Variants in TTN observed in about 807,000 individuals in gnomAD.
The protein encoded by TTN is titin.
A neutral mutation model predicts 3,223.0 loss-of-function variants in TTN; 1,525 were observed. The ratio of observed to expected loss-of-function variants is 0.47; its 90% CI spans 0.45 to 0.49. The LOEUF is 0.49. Ranked by LOEUF, TTN falls within the 20% of genes least tolerant of loss-of-function variation. TTN has a pLI of 0.00. For synonymous variants in TTN, 14,094 were observed against 15,161.0 expected (o/e 0.93, Z 5.17); for missense variants, 40,786 against 43,424.0 (o/e 0.94, Z 5.40).
At chr2:178,680,986 G>C in intron 138 of TTN, 93 bp downstream of exon 138, 1 of 1,120,096 alleles carries the variant, frequency 8.9e-7, no homozygotes, top group East Asian at 2.5e-5. Context: ...TAATTTAAAA[G>C]ACATGAAACA....
Position 178,735,638 on chromosome 2 carries a change from G to T in TTN, c.14808C>A (p.Ile4936=). 1.9e-6 allele frequency: 3 copies of T among 1,613,746 alleles called. No individual in the cohort carries two copies. The highest frequency in any genetic ancestry group is 2.5e-6 in the Non-Finnish European group (3 of 1,179,796). The change falls in exon 50 of 363, where the codon ATC becomes ATA. Residue 4936 remains isoleucine (I), a synonymous_variant. Coordinates refer to ENST00000589042, the MANE Select transcript of TTN (RefSeq NM_001267550.2). ...QKLPPGKDYK[I]CFEDKIATLE... ...GTGTTGCTATTTTATCTTCAAAACA[G>T]ATCTTATAATCTTTCCCTGGGGGGA...
intron 1 of TTN, among the ~76,000 whole-genome samples, chr2:178,805,343 CAAAA>C (rs34870064): frequency 1.1e-5 from 1 of 89,840 alleles, no homozygotes; most frequent in Non-Finnish European, 2.2e-5. Context: ...GACTCTGTCT[CAAAA>C]AAAAAAAAAA....
Position 178,572,012 on chromosome 2 carries a change from A to G in TTN, c.74120T>C (p.Val24707Ala). 1.2e-6 allele frequency: 2 copies of G among 1,613,302 alleles called. No homozygotes were observed. The highest frequency in any genetic ancestry group is 2.2e-5 in the East Asian group (1 of 44,676). ...TGGAATGACAAGATCTTTGGCGATC[A>G]CTGGCACACTCAGTTGTCTAGGATC... is the stretch of plus-strand genomic sequence containing the variant. ...ISDPRQLSVP[V>A]IAKDLVIPPA... The change falls in exon 326 of 363, where the codon GTG becomes GCG. Residue 24707 changes from valine to alanine, a missense_variant. Coordinates refer to ENST00000589042, the MANE Select transcript of TTN (RefSeq NM_001267550.2).
intron 218 of TTN, among the ~76,000 whole-genome samples, chr2:178,643,188 G>T (rs2154240926): frequency 6.6e-6 from 1 of 151,926 alleles, no homozygotes; most frequent in South Asian, 2.1e-4. Flanking sequence ...GTAACTATTT[G>T]CTATTAGGAA....
chr2:178,568,352 A>G lies in TTN; in HGVS notation c.77780T>C (p.Ile25927Thr), dbSNP rs905403082. The change falls in exon 326 of 363, where the codon ATT (isoleucine) becomes ACT (threonine). Residue 25927 changes from isoleucine (I) to threonine (T), a missense_variant. Ile to Thr is a moderately conservative substitution (Grantham distance 89). Transcript: ENST00000589042. ...GGTGGTTGTATCTCTTTTCTGAACA[A>G]TGTAGTTGGTGATTTGGCAGCCCCC... ...YTGGCQITNY[I>T]VQKRDTTTTV... 1.9e-6 allele frequency: 3 copies of G among 1,613,368 alleles called. No homozygotes were observed. Among genetic ancestry groups the G allele is most frequent in the Non-Finnish European group, 1.7e-6 (2 of 1,179,596 alleles).
At position 178,725,518 on chromosome 2, in the gene TTN, T is replaced by G; in HGVS notation, c.20686A>C (p.Arg6896=). The change falls in exon 71 of 363, where the codon AGA becomes CGA. Residue 6896 remains arginine (R), a synonymous_variant. Coordinates refer to ENST00000589042, the MANE Select transcript of TTN (RefSeq NM_001267550.2). ...GTAATCCTGATGTTTTCACTTTCTC[T>G]AATCACTTCTTCCTTCTCTTTAAGC... is the stretch of plus-strand genomic sequence containing the variant. ...QWLKEKEEVI[R]ESENIRITFV... 1 of 1,613,378 alleles carries G rather than the reference T, an allele frequency of 6.2e-7. No individual in the cohort carries two copies. Among genetic ancestry groups the G allele is most frequent in the East Asian group, 2.2e-5 (1 of 44,850 alleles).
At chr2:178,803,251 G>A (rs560885998) in intron 2 of TTN, among the ~76,000 whole-genome samples, 1 of 152,028 alleles carries the variant, frequency 6.6e-6, no homozygotes, top group Non-Finnish European at 1.5e-5. Context: ...TATGGGTATT[G>A]GATATTTTCA....
In TTN at chr2:178,780,198, A is replaced by C. The variant is rs1268322697; in HGVS notation, c.3531T>G (p.Tyr1177Ter). 1 of 1,612,480 alleles carries C rather than the reference A, an allele frequency of 6.2e-7. No homozygotes were observed. Among genetic ancestry groups the C allele is most frequent in the Non-Finnish European group, 8.5e-7 (1 of 1,178,606 alleles). The change falls in exon 22 of 363, where the codon TAT becomes TAG. Residue 1177 changes from tyrosine (Y) to a stop codon, truncating the protein, a stop_gained. Transcript: ENST00000589042. LOFTEE classifies it high-confidence loss of function. ...CTTGCTGGGACTTCATCAGTAACTCATAATCAGCTAAGAGTTAAGAACATC... is the reference window on the plus strand; with the variant it reads ...CTTGCTGGGACTTCATCAGTAACTCCTAATCAGCTAAGAGTTAAGAACATC... ...ASASLLEEAD[Y>*]ELLMKSQQEM...
At position 178,532,701 on chromosome 2, in the gene TTN, A is replaced by G. The variant is rs977041865; in HGVS notation, c.103914T>C (p.Arg34638=). 1.2e-6 allele frequency: 2 copies of G among 1,613,828 alleles called. No homozygotes were observed. The highest frequency in any genetic ancestry group is 1.7e-6 in the Non-Finnish European group (2 of 1,179,866). ...DLEIVRPARR[R]TPSPDYDFYY... ...AAAAGTCATAATCAGGAGAAGGTGT[A>G]CGCCGGCGGGCTGGTCTCACTATCT... The change falls in exon 358 of 363, where the codon CGT becomes CGC. Residue 34638 remains arginine, a synonymous_variant. Coordinates refer to ENST00000589042, the MANE Select transcript of TTN (RefSeq NM_001267550.2).
chr2:178,633,768 C>T (rs2060094531), intron 231 of TTN, 49 bp downstream of exon 231: 2 of 1,607,686 alleles, frequency 1.2e-6, no homozygotes, highest in South Asian at 2.2e-5. Context: ...TTACTCCCCA[C>T]TCCCATGATT....
At position 178,795,116 on chromosome 2, in the gene TTN, C is replaced by T. The variant is rs772889673; in HGVS notation, c.1051G>A (p.Val351Met). ...VPPPWKQEGY[V>M]ASSSEAEMRE... ...ATCTCAGCCTCAGATGAGGAGGCCA[C>T]GTAGCCCTCTTGCTTCCAAGGGGGA... is the stretch of plus-strand genomic sequence containing the variant. Residue 351 changes from valine to methionine, a missense_variant, in exon 7 of 363, where the codon GTG becomes ATG. Transcript: ENST00000589042. 8.1e-6 allele frequency: 13 copies of T among 1,614,034 alleles called. No homozygotes were observed. Among genetic ancestry groups the T allele is most frequent in the South Asian group, 4.4e-5 (4 of 91,092 alleles).
At position 178,552,066 on chromosome 2, in the gene TTN, A is replaced by T. The variant is rs397517751; in HGVS notation, c.90834T>A (p.Ser30278Arg). Residue 30278 changes from serine (S) to arginine (R), a missense_variant, in exon 335 of 363, where the codon AGT (serine) becomes AGA (arginine). Transcript: ENST00000589042. ...GAACTTTGAAAGTCGTTCTGGCAAC[A>T]CTTGAACACACCATCTTCCAGTTAG... ...SQTNWKMVCS[S>R]VARTTFKVPN... 1.9e-6 allele frequency: 3 copies of T among 1,613,784 alleles called. No individual in the cohort carries two copies. The highest frequency in any genetic ancestry group is 2.5e-6 in the Non-Finnish European group (3 of 1,179,782).
At chr2:178,757,318 A>C (rs2087580768) in intron 45 of TTN, among the ~76,000 whole-genome samples, 1 of 151,602 alleles carries the variant, frequency 6.6e-6, no homozygotes, top group Non-Finnish European at 1.5e-5. Context: ...TAATAAAATA[A>C]TTATTGGTTC....
chr2:178,669,205 A>T (rs1363345966), intron 159 of TTN, among the ~76,000 whole-genome samples, 168 bp downstream of exon 159: 1 of 152,156 alleles, frequency 6.6e-6, no homozygotes, highest in Admixed American at 6.5e-5. Flanking sequence ...AGGAAATATA[A>T]CTTGTCTGAG....
In TTN at chr2:178,575,119, G is replaced by A. The variant is rs531500249; in HGVS notation, c.71013C>T (p.Asp23671=). The A allele has an allele frequency of 3.1e-6, 5 of 1,612,950 alleles. No homozygotes were observed. In the East Asian group the frequency reaches 9.0e-5, roughly 29 times the overall value. The change falls in exon 326 of 363, where the codon GAC becomes GAT. Residue 23671 remains aspartate (D), a synonymous_variant. Transcript: ENST00000589042. The surrounding 1 kb of genome is among the most constrained non-coding windows in gnomAD (Gnocchi z 4.0). ...PKPTVTWKKG[D]QILKQTQRVN... ...CTCTCTGTGTCTGTTTAAGAATTTG[G>A]TCTCCTTTTTTCCATGTCACTGTGG...
intron 131 of TTN, 99 bp downstream of exon 131, chr2:178,684,567 C>A (rs964514242): frequency 2.9e-6 from 4 of 1,383,780 alleles, no homozygotes; most frequent in Non-Finnish European, 4.0e-6. Context: ...ACCATTGTCA[C>A]CCACCAACAT....
chr2:178,709,056 G>A (rs2076275973), intron 99 of TTN, among the ~76,000 whole-genome samples: 2 of 152,206 alleles, frequency 1.3e-5, no homozygotes, highest in South Asian at 4.1e-4. Flanking sequence ...TTGGGCAAAT[G>A]TTACCCTTTT....
intron 47 of TTN, among the ~76,000 whole-genome samples, chr2:178,744,164 T>C (rs2154321682): frequency 6.6e-6 from 1 of 152,104 alleles, no homozygotes; most frequent in South Asian, 2.1e-4. Flanking sequence ...AATATGATAA[T>C]GGTACTTAAA....
rs2092895174 is a variant in TTN, at chr2:178,782,789, G to A, written c.3100+17C>T. 1.9e-6 allele frequency: 3 copies of A among 1,612,298 alleles called. No homozygotes were observed. The highest frequency in any genetic ancestry group is 1.7e-6 in the Non-Finnish European group (2 of 1,179,792). ...TGATGGCATGTGCATTAGGACTGTG[G>A]GAGGGTGGCCACTAACCCTGCACAG... On this transcript the variant is annotated intron_variant, in intron 18 of 362. Coordinates refer to ENST00000589042, the MANE Select transcript of TTN (RefSeq NM_001267550.2).
Sources: allele counts gnomAD v4.1 joint callset (sites outside exome capture counted in the v4.1 genomes callset), GRCh38; gene constraint gnomAD v4.1.1; non-coding constraint Gnocchi (gnomAD v3.1); transcripts MANE v1.5; gene names NCBI Gene and HGNC (gene_info 2026-07-23, HGNC 2026-07-21).